The following NUGGC variants were observed in gnomAD, a reference collection of about 807,000 sequenced individuals.
The protein encoded by NUGGC is nuclear GTPase SLIP-GC.
NUGGC carries 58 observed loss-of-function variants against 92.6 expected under a neutral mutation model. The ratio of observed to expected loss-of-function variants is 0.63; its 90% CI spans 0.51 to 0.78. NUGGC has a LOEUF of 0.78. Ranked by LOEUF, NUGGC falls within the 30% of genes least tolerant of loss-of-function variation. NUGGC has a pLI of 0.00. For missense variants in NUGGC, 925 were observed against 964.6 expected (o/e 0.96, Z 0.54); for synonymous variants, 376 against 366.4 (o/e 1.03, Z -0.30).
At chr8:28,054,247 C>T (rs538558577) in intron 10 of NUGGC, among the ~76,000 whole-genome samples, 23 of 152,166 alleles carry the variant, frequency 1.5e-4, no homozygotes, top group African/African-American at 4.8e-4. Flanking sequence ...TTTGGGAGGC[C>T]GAGGTGGGTA....
chr8:28,080,797 TG>T (rs1810831509), intron 1 of NUGGC, among the ~76,000 whole-genome samples: 1 of 152,174 alleles, frequency 6.6e-6, no homozygotes, highest in Non-Finnish European at 1.5e-5. Flanking sequence ...TTCTAGATAC[TG>T]GGGGTACAGC....
At chr8:28,046,644 A>G (rs1175857519) in intron 11 of NUGGC, among the ~76,000 whole-genome samples, 1 of 151,834 alleles carries the variant, frequency 6.6e-6, no homozygotes, top group Non-Finnish European at 1.5e-5. Context: ...TAATGCCTGA[A>G]GCTGGGTGGG....
intron 3 of NUGGC, 106 bp from the exon 4 acceptor site, chr8:28,069,758 T>C (rs746115293): frequency 9.6e-6 from 7 of 728,438 alleles, no homozygotes; most frequent in South Asian, 9.2e-5. Context: ...AAAAAAAAAA[T>C]GAAATGAAAA....
intron 10 of NUGGC, among the ~76,000 whole-genome samples, chr8:28,049,199 G>T (rs1050201731): frequency 6.6e-6 from 1 of 152,148 alleles, no homozygotes; most frequent in African/African-American, 2.4e-5. Context: ...GTGTAGTTAA[G>T]GCTGGAATAC....
chr8:28,029,239 A>G, intron 17 of NUGGC, 27 bp downstream of exon 17: 1 of 1,593,614 alleles, frequency 6.3e-7, no homozygotes, highest in South Asian at 1.1e-5. Flanking sequence ...CTCGGGGTCT[A>G]GGATCCAGGA....
chr8:28,065,900 G>A (rs374911222), intron 6 of NUGGC, among the ~76,000 whole-genome samples: 28 of 152,310 alleles, frequency 1.8e-4, no homozygotes, highest in South Asian at 1.4e-3. Flanking sequence ...AGCAGATACC[G>A]TAAGAGAGAA....
At chr8:28,075,457 G>C (rs1347164879) in intron 1 of NUGGC, among the ~76,000 whole-genome samples, 1 of 152,226 alleles carries the variant, frequency 6.6e-6, no homozygotes, top group Non-Finnish European at 1.5e-5. Flanking sequence ...AGACAGGGTA[G>C]AATCTGCTAG....
chr8:28,029,621 C>T (rs746329115), intron 16 of NUGGC, among the ~76,000 whole-genome samples: 6 of 152,006 alleles, frequency 3.9e-5, no homozygotes, highest in East Asian at 1.9e-4. Flanking sequence ...ACCGTGTGCA[C>T]GCCTGTAATC....
In NUGGC at chr8:28,069,567, G is replaced by A; in HGVS notation, c.234C>T (p.Ile78=). The change falls in exon 4 of 19, where the codon ATC becomes ATT. Residue 78 remains isoleucine (I), a synonymous_variant. Coordinates refer to ENST00000413272, the MANE Select transcript of NUGGC (RefSeq NM_001010906.2). The stretch of plus-strand genomic sequence containing the variant: ...ACATGAGATACTTGACTCCATTAGG[G>A]ATGCTGTCATCCAGGAAGACAGACT... The part of the protein sequence containing the change: ...LIQSVFLDDS[I]PNGVKYLINR... The A allele has an allele frequency of 6.3e-7, 1 of 1,594,262 alleles. No individual in the cohort carries two copies. The highest frequency in any genetic ancestry group is 1.7e-5 in the Admixed American group (1 of 59,976).
At chr8:28,068,490 A>G in intron 4 of NUGGC, 52 bp from the exon 5 acceptor site, 1 of 1,275,036 alleles carries the variant, frequency 7.8e-7, no homozygotes, top group South Asian at 1.3e-5. Flanking sequence ...TTTAGAGTGA[A>G]GAGCATTGAA....
chr8:28,037,093 G>A (rs756289990), intron 13 of NUGGC, among the ~76,000 whole-genome samples: 3 of 151,996 alleles, frequency 2.0e-5, no homozygotes, highest in East Asian at 1.9e-4. Context: ...AACTGTCTAC[G>A]ATTCCTCGTT....
chr8:28,073,077 A>T (rs1183340215), intron 2 of NUGGC, among the ~76,000 whole-genome samples: 1 of 150,050 alleles, frequency 6.7e-6, no homozygotes, highest in Admixed American at 6.7e-5. Flanking sequence ...GTCACGGCTC[A>T]CTGCAGCCTC....
chr8:28,070,189 A>G (rs1194580322), intron 3 of NUGGC, 63 bp downstream of exon 3: 1 of 1,493,158 alleles, frequency 6.7e-7, no homozygotes, highest in East Asian at 2.5e-5. Flanking sequence ...TCTTCCTTTG[A>G]CCATTTTAAC....
chr8:28,045,419 T>C, intron 12 of NUGGC, 108 bp downstream of exon 12: 1 of 1,052,378 alleles, frequency 9.5e-7, no homozygotes, highest in East Asian at 2.7e-5. Flanking sequence ...CTTCATATCT[T>C]CCTTTAATAT....
Position 28,068,217 on chromosome 8 carries a change from T to C in NUGGC, c.479A>G (p.Gln160Arg). 2.6e-6 allele frequency: 4 copies of C among 1,541,006 alleles called. No homozygotes were observed. Among genetic ancestry groups the C allele is most frequent in the Non-Finnish European group, 3.5e-6 (4 of 1,138,820 alleles). ...YEAKIHLLSD[Q>R]EWREELKNLT... ...AGGAGGGAGGAAGGGAACACTTACC[T>C]GGTCAGACAGAAGGTGGATTTTGGC... Residue 160 changes from glutamine to arginine, a missense_variant and splice_region_variant, in exon 5 of 19, where the codon CAG becomes CGG. Coordinates refer to ENST00000413272, the MANE Select transcript of NUGGC (RefSeq NM_001010906.2).
intron 6 of NUGGC, among the ~76,000 whole-genome samples, chr8:28,065,328 T>G (rs1276707644): frequency 6.6e-6 from 1 of 151,974 alleles, no homozygotes; most frequent in African/African-American, 2.4e-5. Context: ...CCGGCTAATT[T>G]TTGTTGTATT....
At chr8:28,047,473 T>C in intron 11 of NUGGC, 34 bp downstream of exon 11, 5 of 1,320,826 alleles carry the variant, frequency 3.8e-6, no homozygotes, top group Non-Finnish European at 4.2e-6. Context: ...ATCTTGAGAA[T>C]TTTAGTGATG....
intron 1 of NUGGC, 86 bp from the exon 2 acceptor site, chr8:28,074,542 T>C: frequency 1.2e-6 from 1 of 843,928 alleles, no homozygotes; most frequent in South Asian, 1.4e-5. Flanking sequence ...AGTCTGCTTG[T>C]GCGGTATTTC....
At position 28,069,802 on chromosome 8, in the gene NUGGC, G is replaced by A. The variant is rs114766885; in HGVS notation, c.149-150C>T. The A allele has an allele frequency of 3.3e-3, 2,062 of 624,416 alleles. 27 individuals carry two copies. The African/African-American group carries it at 0.034, about 10-fold the overall frequency. The allele number at this position is 624,416 out of a possible 1,614,324, so 38.7% of individuals were successfully genotyped here. ...AACAAGATAGCAGGTTATCTCACAC[G>A]AGGGATGGCGGCTCACTGGAGATAG... On this transcript the variant is annotated intron_variant, in intron 3 of 18. Coordinates refer to ENST00000413272, the MANE Select transcript of NUGGC (RefSeq NM_001010906.2).
Sources: allele counts gnomAD v4.1 joint callset (sites outside exome capture counted in the v4.1 genomes callset), GRCh38; gene constraint gnomAD v4.1.1; transcripts MANE v1.5; gene names NCBI Gene and HGNC (gene_info 2026-07-23, HGNC 2026-07-21).